SEC31A: variants seen among roughly 807,000 people sequenced by gnomAD.
SEC31A encodes SEC31 homolog A, COPII component.
SEC31A carries 70 observed loss-of-function variants against 151.0 expected under a neutral mutation model. That is an observed-to-expected ratio of 0.46 (90% CI 0.38 to 0.57). The LOEUF is 0.57. Among genes scored for constraint, SEC31A ranks in the 20% least tolerant of loss-of-function variants. The pLI, the probability that SEC31A is intolerant of heterozygous loss-of-function variation, is 0.00. For missense variants in SEC31A, 1,330 were observed against 1,471.2 expected, an observed-to-expected ratio of 0.90 and a Z score of 1.57; for synonymous variants, 475 against 505.9, an observed-to-expected ratio of 0.94 and a Z score of 0.82.
rs763515528 is a variant in SEC31A at position 82,821,072 on chromosome 4, A to C, written c.3448T>G (p.Leu1150Val). The C allele has an allele frequency of 6.2e-7, 1 of 1,614,106 alleles. No individual in the cohort carries two copies. Among genetic ancestry groups the C allele is most frequent in the Non-Finnish European group, 8.5e-7 (1 of 1,179,966 alleles). The change falls in exon 26 of 27, where the codon TTG (leucine) becomes GTG (valine). Residue 1150 changes from leucine (L) to valine (V), a missense_variant. Coordinates refer to ENST00000395310, the MANE Select transcript of SEC31A (RefSeq NM_001077207.4). ...KRKLDDASKR[L>V]EFLYDKLREQ... Reference sequence around the variant, plus strand: ...CTAAGTTTATCATACAGAAACTCCAAACGTTTGCTGGCATCATCTAGCTTC... The same window carrying C: ...CTAAGTTTATCATACAGAAACTCCACACGTTTGCTGGCATCATCTAGCTTC...
chr4:82,829,255 C>T (rs1460690630), intron 22 of SEC31A, 197 bp from the exon 23 acceptor site: 1 of 497,434 alleles, frequency 2.0e-6, no homozygotes, highest in Non-Finnish European at 3.6e-6. Context: ...ACAAGGTCTT[C>T]ACTTGGTAGG....
intron 3 of SEC31A, among the ~76,000 whole-genome samples, chr4:82,897,465 TAG>T (rs745745788): frequency 3.3e-5 from 5 of 152,326 alleles, no homozygotes; most frequent in South Asian, 4.1e-4. Flanking sequence ...CCTGCTTTCA[TAG>T]AGTTATTATG....
intron 4 of SEC31A, among the ~76,000 whole-genome samples, chr4:82,876,463 T>A (rs758068875): frequency 3.3e-5 from 5 of 152,218 alleles, no homozygotes; most frequent in Non-Finnish European, 7.3e-5. Flanking sequence ...TTTGTATCTT[T>A]GCATCTCTGG....
upstream of SEC31A, chr4:82,894,099 G>C (rs1394281127): frequency 6.6e-6 from 1 of 152,200 alleles, no homozygotes; most frequent in Non-Finnish European, 1.5e-5. Flanking sequence ...TTTTTCTGCT[G>C]AAGCTTTGGC....
chr4:82,867,632 CT>C (rs917249836), intron 8 of SEC31A, among the ~76,000 whole-genome samples: 17 of 149,390 alleles, frequency 1.1e-4, no homozygotes, highest in African/African-American at 2.0e-4. Context: ...TTAGAGTCAA[CT>C]TTTTTTTTTC....
At chr4:82,853,855 A>G (rs1164476766) in intron 17 of SEC31A, 140 bp from the exon 18 acceptor site, 2 of 559,424 alleles carry the variant, frequency 3.6e-6, no homozygotes, top group African/African-American at 4.0e-5. Context: ...AATCACTCTA[A>G]ATGCTCAGTA....
At chr4:82,830,759 G>A (rs987242711) in intron 22 of SEC31A, among the ~76,000 whole-genome samples, 16 of 152,108 alleles carry the variant, frequency 1.1e-4, no homozygotes, top group East Asian at 5.8e-4. Flanking sequence ...GTGTAATCAC[G>A]TAAATTCAAT....
In SEC31A at chr4:82,864,376, A is replaced by G; in HGVS notation, c.1420T>C (p.Trp474Arg). 6.2e-7 allele frequency: 1 copy of G among 1,612,674 alleles called. No homozygotes were observed. Among genetic ancestry groups the G allele is most frequent in the Non-Finnish European group, 8.5e-7 (1 of 1,178,672 alleles). ...ASQTEFEKNV[W>R]SFLKVNFEDD... ...AGCAACTTTACCTTCAAAAAGGACC[A>G]CACATTTTTCTCAAATTCAGTCTGA... is the stretch of plus-strand genomic sequence containing the variant. The change falls in exon 11 of 27, where the codon TGG (tryptophan) becomes CGG (arginine). Residue 474 changes from tryptophan to arginine, a missense_variant. Trp to Arg is a moderately radical substitution (Grantham distance 101). Coordinates refer to ENST00000395310, the MANE Select transcript of SEC31A (RefSeq NM_001077207.4).
intron 22 of SEC31A, among the ~76,000 whole-genome samples, chr4:82,834,297 TAGTC>T (rs1726711404): frequency 6.6e-6 from 1 of 152,298 alleles, no homozygotes; most frequent in African/African-American, 2.4e-5. Flanking sequence ...CTTGACCCTT[TAGTC>T]AGGTCAAAAC....
chr4:82,842,943 T>A (rs538627883), intron 21 of SEC31A: 4 of 153,984 alleles, frequency 2.6e-5, no homozygotes, highest in Admixed American at 6.4e-5. Flanking sequence ...AAATATCTTC[T>A]CCAACATCCA....
intron 22 of SEC31A, among the ~76,000 whole-genome samples, chr4:82,834,118 G>A (rs1726669598): frequency 6.6e-6 from 1 of 152,174 alleles, no homozygotes; most frequent in South Asian, 2.1e-4. Context: ...TGTGAGATAT[G>A]ACTTCATAAC....
At chr4:82,863,228 T>C (rs1376964849) in intron 12 of SEC31A, 90 bp downstream of exon 12, 11 of 760,986 alleles carry the variant, frequency 1.4e-5, no homozygotes, top group Admixed American at 9.0e-5. Context: ...TAAATGTTTA[T>C]TGGGTGATTT....
intron 19 of SEC31A, among the ~76,000 whole-genome samples, chr4:82,849,613 CA>C (rs5859835): frequency 1.5e-3 from 166 of 109,660 alleles, no homozygotes; most frequent in African/African-American, 5.8e-3. Flanking sequence ...GAATCCGTCT[CA>C]AAAAAAAAAA....
At chr4:82,864,683 T>G in intron 10 of SEC31A, 85 bp from the exon 11 acceptor site, 2 of 995,496 alleles carry the variant, frequency 2.0e-6, no homozygotes, top group African/African-American at 3.2e-5. Flanking sequence ...AAACAGATAA[T>G]CTGGATGAAA....
At chr4:82,836,310 T>C (rs775473440) in intron 22 of SEC31A, among the ~76,000 whole-genome samples, 5 of 147,268 alleles carry the variant, frequency 3.4e-5, no homozygotes, top group Non-Finnish European at 5.9e-5. Context: ...GAGGCGGAGG[T>C]TGCAGTGAGC....
intron 22 of SEC31A, among the ~76,000 whole-genome samples, chr4:82,832,912 C>G (rs1726288076): frequency 6.6e-6 from 1 of 152,136 alleles, no homozygotes; most frequent in Admixed American, 6.5e-5. Flanking sequence ...ACAACAGATG[C>G]TGGAGAGGGT....
At chr4:82,873,199 A>T (rs1452093078) in intron 6 of SEC31A, among the ~76,000 whole-genome samples, 1 of 152,022 alleles carries the variant, frequency 6.6e-6, no homozygotes, top group Non-Finnish European at 1.5e-5. Flanking sequence ...CTCTACTAAA[A>T]ATACAAAAAT....
intron 4 of SEC31A, chr4:82,877,394 T>TC: frequency 6.6e-6 from 1 of 151,548 alleles, no homozygotes; most frequent in South Asian, 2.1e-4. Flanking sequence ...TTTTTTTTTT[T>TC]TCCAGACAGG....
rs1286423503 is a variant in SEC31A, at chr4:82,899,781, A to G, written c.-26-44T>C. On this transcript the variant is annotated intron_variant, in intron 2 of 28. Transcript: ENST00000355196. ...AAGGGGAAAAAGAAGCAATCTTGTT[A>G]GGCCTGGATATTTGGAATTATTTTT... 6.5e-5 allele frequency: 10 copies of G among 152,700 alleles called. No individual in the cohort carries two copies. The East Asian group carries it at 1.9e-3, about 29-fold the overall frequency. 9.5% of individuals were successfully genotyped at this position (152,700 alleles called of 1,614,324 possible). A position where few individuals can be genotyped will look rare whatever the true frequency, so the allele number is the denominator to read the frequency against.
Sources: allele counts gnomAD v4.1 joint callset (sites outside exome capture counted in the v4.1 genomes callset), GRCh38; gene constraint gnomAD v4.1.1; transcripts MANE v1.5; gene names NCBI Gene and HGNC (gene_info 2026-07-23, HGNC 2026-07-21).